MROH9: variants seen among roughly 807,000 people sequenced by gnomAD.
The protein encoded by MROH9 is maestro heat like repeat family member 9, also known as maestro heat-like repeat-containing protein family member 9.
A neutral mutation model predicts 98.2 loss-of-function variants in MROH9; 92 were observed. The observed-to-expected ratio is 0.94, with a 90% CI of 0.79 to 1.11. MROH9 has a LOEUF of 1.11. MROH9 is among the 50% of genes most tolerant of loss of function. The probability of loss-of-function intolerance (pLI) is 0.00; values close to 1 mark genes in which losing one functional copy is unlikely to be tolerated. For synonymous variants in MROH9, 397 were observed against 368.9 expected, an observed-to-expected ratio of 1.08 and a Z score of -0.87; for missense variants, 1,057 against 1,014.8, an observed-to-expected ratio of 1.04 and a Z score of -0.57.
At chr1:170,965,707 C>T (rs932001640) in intron 7 of MROH9, among the ~76,000 whole-genome samples, 1 of 152,076 alleles carries the variant, frequency 6.6e-6, no homozygotes, top group Non-Finnish European at 1.5e-5. Flanking sequence ...CTATCCTCTC[C>T]ACACCAACCC....
intron 8 of MROH9, among the ~76,000 whole-genome samples, chr1:170,980,637 T>A (rs1212665415): frequency 6.6e-6 from 1 of 152,170 alleles, no homozygotes; most frequent in Non-Finnish European, 1.5e-5. Context: ...GATTAAGACT[T>A]AAATGTAAAA....
At chr1:171,050,091 T>C (rs536341358) in intron 20 of MROH9, among the ~76,000 whole-genome samples, 1 of 152,360 alleles carries the variant, frequency 6.6e-6, no homozygotes, top group East Asian at 1.9e-4. Context: ...GATTGTCTGT[T>C]TACTCAGCTG....
At chr1:171,010,545 C>T (rs1274504968) in intron 15 of MROH9, among the ~76,000 whole-genome samples, 2 of 152,152 alleles carry the variant, frequency 1.3e-5, no homozygotes, top group Admixed American at 6.5e-5. Flanking sequence ...ATTTATACTC[C>T]CACCAACAGT....
At chr1:171,007,742 C>T (rs1304825006) in intron 15 of MROH9, among the ~76,000 whole-genome samples, 1 of 152,144 alleles carries the variant, frequency 6.6e-6, no homozygotes, top group East Asian at 1.9e-4. Context: ...AGGTGAGTTA[C>T]AGGGCTGTTT....
At chr1:170,978,632 C>A (rs1027534684) in intron 8 of MROH9, among the ~76,000 whole-genome samples, 2 of 152,068 alleles carry the variant, frequency 1.3e-5, no homozygotes, top group Non-Finnish European at 2.9e-5. Context: ...CAATTGCAGT[C>A]GCGGAGGTAT....
chr1:171,031,214 C>G (rs985224255), intron 20 of MROH9, among the ~76,000 whole-genome samples: 1 of 152,126 alleles, frequency 6.6e-6, no homozygotes, highest in African/African-American at 2.4e-5. Flanking sequence ...ATACAGCACA[C>G]CAATGGATCT....
At chr1:170,957,787 A>ATTTTTTTTTTTT (rs1372647484) in intron 3 of MROH9, among the ~76,000 whole-genome samples, 2 of 128,002 alleles carry the variant, frequency 1.6e-5, no homozygotes, top group Admixed American at 7.4e-5. Context: ...CCCTGCTGGC[A>ATTTTTTTTTTTT]TTTTTTTGTT....
rs78587640 is a variant in MROH9, at chr1:170,942,121, C to T, written c.-37-3399C>T. On this transcript the variant is annotated intron_variant, in intron 1 of 21. Transcript: ENST00000367759. ...CCTACAGCTTTAATATCCATTTCTA[C>T]ACAGGTTCCCTGGATTTCTGCTTGT... Among the ~76,000 whole-genome samples the T allele has an allele frequency of 7.5e-3, 1,142 of 152,232 alleles. 16 individuals carry two copies. Among genetic ancestry groups the T allele is most frequent in the African/African-American group, 0.026 (1,076 of 41,530 alleles).
Position 170,941,186 on chromosome 1 carries a change from C to A in MROH9, c.-37-4334C>A, listed in dbSNP as rs1261215230. 2.0e-5 allele frequency among the ~76,000 whole-genome samples: 3 copies of A among 152,116 alleles called. No homozygotes were observed. In the East Asian group the frequency reaches 5.8e-4, roughly 29 times the overall value. The stretch of plus-strand genomic sequence containing the variant: ...TTCAGAACCATTTTCTAGTACTCCC[C>A]AGAAGGTCTGATTATTTCCTTTCCC... On this transcript the variant is annotated intron_variant, in intron 1 of 21. Coordinates refer to ENST00000367759, the MANE Select transcript of MROH9 (RefSeq NM_001163629.2).
intron 20 of MROH9, among the ~76,000 whole-genome samples, chr1:171,032,638 G>T (rs909609202): frequency 8.5e-5 from 13 of 152,136 alleles, no homozygotes; most frequent in African/African-American, 3.1e-4. Context: ...CAGCAAAGAT[G>T]GGTGCCTGCT....
At chr1:170,981,734 T>C (rs897774764) in intron 8 of MROH9, among the ~76,000 whole-genome samples, 28 of 130,384 alleles carry the variant, frequency 2.1e-4, no homozygotes, top group African/African-American at 7.9e-4. Context: ...GCTTTTTTTT[T>C]AGAAGAAATA....
At chr1:170,951,148 G>A (rs1649539470) in intron 3 of MROH9, among the ~76,000 whole-genome samples, 1 of 152,022 alleles carries the variant, frequency 6.6e-6, no homozygotes, top group South Asian at 2.1e-4. Flanking sequence ...GAGAAGTAGA[G>A]TAGTCCAAAC....
At chr1:170,946,326 A>C (rs78346161) in intron 2 of MROH9, among the ~76,000 whole-genome samples, 2,362 of 152,122 alleles carry the variant, frequency 0.016, 68 homozygotes, top group African/African-American at 0.053. Context: ...CATTTTACAA[A>C]ATACCTAACC....
At chr1:170,949,404 G>T (rs550615421) in intron 3 of MROH9, among the ~76,000 whole-genome samples, 1 of 152,030 alleles carries the variant, frequency 6.6e-6, no homozygotes, top group African/African-American at 2.4e-5. Flanking sequence ...GGATGGAGAG[G>T]TAAGCACAGA....
intron 15 of MROH9, among the ~76,000 whole-genome samples, chr1:171,009,745 G>T (rs79145628): frequency 1.1e-3 from 169 of 152,202 alleles, no homozygotes; most frequent in African/African-American, 2.9e-3. Flanking sequence ...CTTACCAAAA[G>T]GAACCATGTC....
chr1:170,967,232 T>C (rs1049439292), intron 7 of MROH9, among the ~76,000 whole-genome samples: 1 of 152,156 alleles, frequency 6.6e-6, no homozygotes, highest in African/African-American at 2.4e-5. Flanking sequence ...TTCTGCAATG[T>C]TCACTAAGTG....
chr1:171,002,993 C>G (rs780291486), intron 15 of MROH9, among the ~76,000 whole-genome samples: 3 of 151,574 alleles, frequency 2.0e-5, no homozygotes, highest in Non-Finnish European at 4.4e-5. Context: ...ATTTGAAGAC[C>G]TTGTCTTTGA....
At chr1:171,047,804 G>C (rs988936752) in intron 20 of MROH9, among the ~76,000 whole-genome samples, 2 of 151,990 alleles carry the variant, frequency 1.3e-5, no homozygotes, top group Admixed American at 6.6e-5. Flanking sequence ...GTCCTTCTTG[G>C]GAAGGCTTTG....
chr1:170,941,460 A>C (rs1260205779), intron 1 of MROH9, among the ~76,000 whole-genome samples: 1 of 151,970 alleles, frequency 6.6e-6, no homozygotes, highest in Non-Finnish European at 1.5e-5. Flanking sequence ...TATACAAATC[A>C]AATAAGAATT....
Sources: allele counts gnomAD v4.1 joint callset (sites outside exome capture counted in the v4.1 genomes callset), GRCh38; gene constraint gnomAD v4.1.1; transcripts MANE v1.5; gene names NCBI Gene and HGNC (gene_info 2026-07-23, HGNC 2026-07-21).